The following IL10RA variants were observed in gnomAD, a reference collection of about 807,000 sequenced individuals.
IL10RA encodes the protein interleukin-10 receptor subunit alpha.
IL10RA carries 18 observed loss-of-function variants against 29.6 expected under a neutral mutation model. The ratio of observed to expected loss-of-function variants is 0.61; its 90% CI spans 0.42 to 0.90. IL10RA has a LOEUF of 0.90. Among genes scored for constraint, IL10RA ranks in the 40% least tolerant of loss-of-function variants. The probability of loss-of-function intolerance (pLI) is 0.00; values close to 1 mark genes in which losing one functional copy is unlikely to be tolerated. For synonymous variants in IL10RA, 292 were observed against 294.1 expected, an observed-to-expected ratio of 0.99 and a Z score of 0.07; for missense variants, 634 against 716.6, an observed-to-expected ratio of 0.88 and a Z score of 1.32.
In IL10RA at chr11:117,989,611, G is replaced by A. The variant is rs1272104522; in HGVS notation, c.358G>A (p.Val120Met). The A allele has an allele frequency of 6.2e-7, 1 of 1,613,942 alleles. No individual in the cohort carries two copies. Residue 120 changes from valine to methionine, a missense_variant, in exon 3 of 7, where the codon GTG (valine) becomes ATG (methionine). Physicochemically the swap from Val to Met is conservative, Grantham distance 21 (BLOSUM62 1). Transcript: ENST00000227752. This position sits in a 1 kb window ranked among gnomAD's most constrained non-coding sequence, Gnocchi z 4.5. Reference protein sequence around the residue: ...NWTVTNTRFSVDEVTLTVGSV... With the variant: ...NWTVTNTRFSMDEVTLTVGSV... ...GACCGTCACCAACACCCGCTTCTCT[G>A]TGGATGAAGGTGCTTTTCCTCCCTT...
rs2134996759 is a variant in IL10RA, at chr11:117,999,239, T to C, written c.1335T>C (p.Gly445=). ...ACCCAGCTGCTGTGGCATTCCAGGG[T>C]TACCTGAGGCAGACCAGATGTGCTG... ...EEDPAAVAFQ[G]YLRQTRCAEE... is the part of the protein sequence containing the mutation. Residue 445 remains glycine (G), a synonymous_variant, in exon 7 of 7, where the codon GGT becomes GGC. Transcript: ENST00000227752. 6.2e-7 allele frequency: 1 copy of C among 1,614,154 alleles called. No individual in the cohort carries two copies. Among genetic ancestry groups the C allele is most frequent in the Non-Finnish European group, 8.5e-7 (1 of 1,180,012 alleles).
In IL10RA at chr11:117,986,394, A is replaced by G. The variant is rs1012789379; in HGVS notation, c.-74A>G. 1.4e-6 allele frequency: 2 copies of G among 1,411,944 alleles called. No individual in the cohort carries two copies. The highest frequency in any genetic ancestry group is 1.9e-6 in the Non-Finnish European group (2 of 1,029,882). The allele number at this position is 1,411,944 out of a possible 1,614,324, so 87.5% of individuals were successfully genotyped here. The stretch of plus-strand genomic sequence containing the variant: ...TGGCGGAGCGGGCGGCGGAGCTGTC[A>G]GTCCCAGCCCAAGGGTAGCTGGAGG... On this transcript the variant is annotated 5_prime_UTR_variant, in exon 1 of 7. Transcript: ENST00000227752.
At position 117,989,510 on chromosome 11, in the gene IL10RA, T is replaced by TGACCTTGGACCTGTACCACAGC. The variant is rs1415553044; in HGVS notation, c.258_279dup (p.Asn94AspfsTer36). On this transcript the variant is annotated frameshift_variant, in exon 3 of 7. Coordinates refer to ENST00000227752, the MANE Select transcript of IL10RA (RefSeq NM_001558.4). LOFTEE classifies it high-confidence loss of function. This position sits in a 1 kb window ranked among gnomAD's most constrained non-coding sequence, Gnocchi z 4.5. The stretch of plus-strand genomic sequence containing the variant: ...ACCCTGTCCTATGACCTTACCGCAG[T>TGACCTTGGACCTGTACCACAGC]GACCTTGGACCTGTACCACAGCAAT... The TGACCTTGGACCTGTACCACAGC allele has an allele frequency of 1.9e-6, 3 of 1,614,234 alleles. No individual in the cohort carries two copies. The highest frequency in any genetic ancestry group is 1.7e-6 in the Non-Finnish European group (2 of 1,180,024).
Position 117,988,394 on chromosome 11 carries a change from C to T in IL10RA, c.80C>T (p.Pro27Leu), listed in dbSNP as rs755758777. Residue 27 changes from proline (P) to leucine (L), a missense_variant, in exon 2 of 7, where the codon CCC (proline) becomes CTC (leucine). Physicochemically the swap from Pro to Leu is moderately conservative, Grantham distance 98 (BLOSUM62 -3). Transcript: ENST00000227752. ...LGSDAHGTEL[P>L]SPPSVWFEAE... is the part of the protein sequence containing the mutation. Reference sequence around the variant, plus strand: ...CTCTTCTCCCCAGGGACAGAGCTGCCCAGCCCTCCGTCTGTGTGGTTTGAA... The same window carrying T: ...CTCTTCTCCCCAGGGACAGAGCTGCTCAGCCCTCCGTCTGTGTGGTTTGAA... 3.0e-5 allele frequency: 48 copies of T among 1,614,172 alleles called. No individual in the cohort carries two copies. Among genetic ancestry groups the T allele is most frequent in the Middle Eastern group, 1.7e-4 (1 of 6,056 alleles).
Position 117,993,228 on chromosome 11 carries a change from C to T in IL10RA, c.368-13C>T. The T allele has an allele frequency of 6.2e-7, 1 of 1,613,546 alleles. No individual in the cohort carries two copies. The highest frequency in any genetic ancestry group is 8.5e-7 in the Non-Finnish European group (1 of 1,179,508). On this transcript the variant is annotated splice_polypyrimidine_tract_variant and intron_variant, in intron 3 of 6. Transcript: ENST00000227752. ...AGTCTCATGGTATTCCCCCCCACCCCAACTCCATTTAGTGACTCTGACAGT... is the reference window on the plus strand; with the variant it reads ...AGTCTCATGGTATTCCCCCCCACCCTAACTCCATTTAGTGACTCTGACAGT...
chr11:118,001,419 A>G lies in IL10RA; in HGVS notation c.*1778A>G. 2.2e-6 allele frequency: 1 copy of G among 449,094 alleles called. No homozygotes were observed. Among genetic ancestry groups the G allele is most frequent in the Non-Finnish European group, 4.5e-6 (1 of 223,424 alleles). The allele number at this position is 449,094 out of a possible 1,614,324, so 27.8% of individuals were successfully genotyped here. A position where few individuals can be genotyped will look rare whatever the true frequency, so the allele number is the denominator to read the frequency against. On this transcript the variant is annotated 3_prime_UTR_variant, in exon 7 of 7. Transcript: ENST00000227752. ...GGAAATGGGTATGAATGTGCCTTGA[A>G]CACAAAGCTCTGTCAATAAGTGATA... is the stretch of plus-strand genomic sequence containing the variant.
chr11:117,999,846 A>AGCAC lies in IL10RA; in HGVS notation c.*205_*206insGCAC. 4 of 694,996 alleles carry AGCAC rather than the reference A, an allele frequency of 5.8e-6. No homozygotes were observed. Among genetic ancestry groups the AGCAC allele is most frequent in the Middle Eastern group, 3.7e-4 (1 of 2,736 alleles). The allele number at this position is 694,996 out of a possible 1,614,324, so 43.1% of individuals were successfully genotyped here. On this transcript the variant is annotated 3_prime_UTR_variant, in exon 7 of 7. Transcript: ENST00000227752. ...CCAACTCACTGAACTAGTGCAGGGT[A>AGCAC]TGTGGGTGGCACTGACCTGTTCTGT... is the stretch of plus-strand genomic sequence containing the variant.
At chr11:117,995,190 A>T in intron 5 of IL10RA, 1 of 341,652 alleles carries the variant, frequency 2.9e-6, no homozygotes, top group Non-Finnish European at 5.8e-6. Context: ...TTATGAGGTC[A>T]GTGGCTCTGA....
rs753938451 is a variant in IL10RA at position 118,000,979 on chromosome 11, G to A, written c.*1338G>A. On this transcript the variant is annotated 3_prime_UTR_variant, in exon 7 of 7. Coordinates refer to ENST00000227752, the MANE Select transcript of IL10RA (RefSeq NM_001558.4). ...GTCCACAGGCATGGAAGCTGTGAGG[G>A]GACAGGCCTGTGCGTGCCATCCAGA... The A allele has an allele frequency of 2.2e-6, 1 of 454,174 alleles. No homozygotes were observed. The highest frequency in any genetic ancestry group is 4.4e-6 in the Non-Finnish European group (1 of 226,772). The allele number at this position is 454,174 out of a possible 1,614,324, so 28.1% of individuals were successfully genotyped here.
At chr11:117,986,793 C>T (rs1189942461) in intron 1 of IL10RA, 12 of 1,523,608 alleles carry the variant, frequency 7.9e-6, no homozygotes, top group Non-Finnish European at 1.1e-5. Flanking sequence ...ACCTCATCAT[C>T]CACCCACTTC....
chr11:117,998,238 A>T (rs761666348), intron 6 of IL10RA, among the ~76,000 whole-genome samples: 7 of 152,176 alleles, frequency 4.6e-5, no homozygotes, highest in Admixed American at 3.3e-4. Flanking sequence ...TAGAATAAGA[A>T]CTGCAGAAAT....
downstream of IL10RA, chr11:118,001,570 A>G: frequency 5.5e-6 from 2 of 364,798 alleles, no homozygotes; most frequent in Non-Finnish European, 1.1e-5. Context: ...AATGTGTGGG[A>G]TGTGTGATGT....
intron 3 of IL10RA, 154 bp from the exon 4 acceptor site, chr11:117,993,087 C>G (rs1162179985): frequency 1.5e-6 from 1 of 679,582 alleles, no homozygotes; most frequent in African/African-American, 1.8e-5. Flanking sequence ...CCCAAGAAGT[C>G]CTTACATTCT....
chr11:117,993,946 C>T, intron 4 of IL10RA, 53 bp from the exon 5 acceptor site: 1 of 1,530,658 alleles, frequency 6.5e-7, no homozygotes, highest in East Asian at 2.3e-5. Flanking sequence ...CTCTCAGTGT[C>T]CGTGTGCCAT....
In IL10RA at chr11:117,993,294, G is replaced by A. The variant is rs137853579; in HGVS notation, c.421G>A (p.Gly141Arg). ...NLEIHNGFIL[G>R]KIQLPRPKMA... Reference sequence around the variant, plus strand: ...AGAGATCCACAATGGCTTCATCCTCGGGAAGATTCAGCTACCCAGGCCCAA... The same window carrying A: ...AGAGATCCACAATGGCTTCATCCTCAGGAAGATTCAGCTACCCAGGCCCAA... Residue 141 changes from glycine (G) to arginine (R), a missense_variant, in exon 4 of 7, where the codon GGG (glycine) becomes AGG (arginine). Gly to Arg is a moderately radical substitution (Grantham distance 125). Transcript: ENST00000227752. The A allele has an allele frequency of 7.4e-6, 12 of 1,614,036 alleles. No individual in the cohort carries two copies. The highest frequency in any genetic ancestry group is 2.2e-5 in the East Asian group (1 of 44,882).
chr11:117,998,048 C>A (rs899212844), intron 6 of IL10RA, among the ~76,000 whole-genome samples: 1 of 152,182 alleles, frequency 6.6e-6, no homozygotes, highest in Admixed American at 6.5e-5. Context: ...TCCTTGAAAC[C>A]CTTGGCAATT....
chr11:117,995,497 T>A, intron 5 of IL10RA, 92 bp from the exon 6 acceptor site: 1 of 1,543,356 alleles, frequency 6.5e-7, no homozygotes, highest in Non-Finnish European at 9.0e-7. Flanking sequence ...TTCCTGACAG[T>A]GGGCAATGGA....
At chr11:117,997,911 A>G (rs912388936) in intron 6 of IL10RA, among the ~76,000 whole-genome samples, 1 of 152,166 alleles carries the variant, frequency 6.6e-6, no homozygotes, top group Admixed American at 6.5e-5. Flanking sequence ...ACACAGCCAT[A>G]TAAAGTGCCG....
chr11:118,000,477 G>C lies in IL10RA; in HGVS notation c.*836G>C, dbSNP rs1317093493. Reference sequence around the variant, plus strand: ...ACTTCCAGAGAAGCCATGGTTTTTTGTATTGGTCATAACTCAGCCCTTTGG... The same window carrying C: ...ACTTCCAGAGAAGCCATGGTTTTTTCTATTGGTCATAACTCAGCCCTTTGG... On this transcript the variant is annotated 3_prime_UTR_variant, in exon 7 of 7. Coordinates refer to ENST00000227752, the MANE Select transcript of IL10RA (RefSeq NM_001558.4). The C allele has an allele frequency of 2.2e-6, 1 of 454,260 alleles. No homozygotes were observed. The allele number at this position is 454,260 out of a possible 1,614,324, so 28.1% of individuals were successfully genotyped here.
Sources: allele counts gnomAD v4.1 joint callset (sites outside exome capture counted in the v4.1 genomes callset), GRCh38; gene constraint gnomAD v4.1.1; non-coding constraint Gnocchi (gnomAD v3.1); transcripts MANE v1.5; gene names NCBI Gene and HGNC (gene_info 2026-07-23, HGNC 2026-07-21).